Variants in HLCS observed in about 807,000 individuals in gnomAD.
HLCS encodes biotin--protein ligase.
Under a neutral mutation model 75.0 loss-of-function variants are expected in HLCS, and 53 were observed. That is an observed-to-expected ratio of 0.71 (90% CI 0.57 to 0.89). The LOEUF (loss-of-function observed/expected upper bound fraction) is 0.89. Ranked by LOEUF, HLCS falls within the 40% of genes least tolerant of loss-of-function variation. HLCS has a pLI of 0.00. For missense variants in HLCS, 966 were observed against 1,074.0 expected (o/e 0.90, Z 1.41); for synonymous variants, 431 against 428.6 (o/e 1.01, Z -0.07).
At chr21:36,987,282 T>G (rs550314635) in intron 1 of HLCS, among the ~76,000 whole-genome samples, 1 of 152,276 alleles carries the variant, frequency 6.6e-6, no homozygotes, top group Admixed American at 6.5e-5. Context: ...GCTCCCCAGC[T>G]CTCTCAGCAG....
chr21:36,960,665 C>T (rs867377626), intron 2 of HLCS, among the ~76,000 whole-genome samples: 15 of 152,352 alleles, frequency 9.8e-5, no homozygotes, highest in African/African-American at 3.1e-4. Context: ...CAGCATCTTA[C>T]AGATAATCTT....
chr21:36,849,677 G>C lies in HLCS; in HGVS notation c.1892+47183C>G, dbSNP rs115082651. ...GCCCCCACTGAACTGCCAGCATCCG[G>C]CTCTGCCTGTCTTTGGCTTCTGGCT... On this transcript the variant is annotated intron_variant, in intron 6 of 10. Coordinates refer to ENST00000674895, the MANE Select transcript of HLCS (RefSeq NM_001352514.2). Among the ~76,000 whole-genome samples the C allele has an allele frequency of 2.3e-3, 351 of 152,308 alleles. 1 individual carries two copies. The highest frequency in any genetic ancestry group is 7.8e-3 in the African/African-American group (326 of 41,566).
chr21:36,805,459 C>T (rs1177471066), intron 6 of HLCS, among the ~76,000 whole-genome samples: 1 of 152,144 alleles, frequency 6.6e-6, no homozygotes, highest in African/African-American at 2.4e-5. Context: ...CCCAGCTCTG[C>T]GGCAGGTTAA....
chr21:36,797,821 C>T (rs1246636425), intron 6 of HLCS, among the ~76,000 whole-genome samples: 1 of 152,220 alleles, frequency 6.6e-6, no homozygotes, highest in Non-Finnish European at 1.5e-5. Flanking sequence ...TCTGTGCATT[C>T]ACATGTTGAC....
intron 6 of HLCS, among the ~76,000 whole-genome samples, chr21:36,844,495 G>A (rs555469775): frequency 7.4e-4 from 112 of 152,134 alleles, no homozygotes; most frequent in Non-Finnish European, 1.3e-3. Flanking sequence ...GCTTCCTCCC[G>A]CCTTCTAAGA....
At chr21:36,844,288 G>A (rs997636682) in intron 6 of HLCS, among the ~76,000 whole-genome samples, 5 of 151,908 alleles carry the variant, frequency 3.3e-5, no homozygotes, top group African/African-American at 9.7e-5. Context: ...ATAGAAGCTC[G>A]TCAATTGTAA....
chr21:36,977,866 T>C (rs1159231861), intron 1 of HLCS, among the ~76,000 whole-genome samples: 2 of 152,172 alleles, frequency 1.3e-5, no homozygotes, highest in Admixed American at 6.5e-5. Context: ...GTGCAGACTA[T>C]TGTGACCCAG....
chr21:36,820,370 G>GC (rs1395405004), intron 6 of HLCS, among the ~76,000 whole-genome samples: 1 of 152,102 alleles, frequency 6.6e-6, no homozygotes, highest in East Asian at 1.9e-4. Context: ...CCCAGCCACG[G>GC]CCGGGCCGCC....
At chr21:36,811,871 G>A (rs1350565889) in intron 6 of HLCS, among the ~76,000 whole-genome samples, 1 of 152,196 alleles carries the variant, frequency 6.6e-6, no homozygotes, top group Non-Finnish European at 1.5e-5. Context: ...AGCGGCTGCT[G>A]TGACCAGCCA....
Position 36,849,855 on chromosome 21 carries a change from T to A in HLCS, c.1892+47005A>T, listed in dbSNP as rs138189037. Among the ~76,000 whole-genome samples the A allele has an allele frequency of 9.2e-5, 14 of 152,354 alleles. No individual in the cohort carries two copies. The East Asian group carries it at 2.3e-3, about 25-fold the overall frequency. On this transcript the variant is annotated intron_variant, in intron 6 of 10. Coordinates refer to ENST00000674895, the MANE Select transcript of HLCS (RefSeq NM_001352514.2). ...TTGACTGGACAAACTCTTATTAGCTTCCGGCAGATATTAAAAGATGCATGA... is the reference window on the plus strand; with the variant it reads ...TTGACTGGACAAACTCTTATTAGCTACCGGCAGATATTAAAAGATGCATGA...
At chr21:36,970,714 C>A (rs986933758), upstream of HLCS, among the ~76,000 whole-genome samples, 1 of 151,682 alleles carries the variant, frequency 6.6e-6, no homozygotes, top group African/African-American at 2.4e-5. Context: ...AAATCTTCGC[C>A]GGGCACAGTG....
intron 8 of HLCS, among the ~76,000 whole-genome samples, chr21:36,764,264 G>A (rs1301910924): frequency 6.6e-6 from 1 of 152,002 alleles, no homozygotes; most frequent in East Asian, 1.9e-4. Flanking sequence ...GTGTGTGATG[G>A]TGCACACCTG....
intron 7 of HLCS, among the ~76,000 whole-genome samples, 198 bp downstream of exon 7, chr21:36,767,020 T>TTTA (rs1436854116): frequency 6.6e-6 from 1 of 152,182 alleles, no homozygotes; most frequent in Non-Finnish European, 1.5e-5. Context: ...GACAGAATGC[T>TTTA]TTAGTTCTAC....
At position 36,930,419 on chromosome 21, in the gene HLCS, T is replaced by C. The variant is rs1379881813; in HGVS notation, c.1452A>G (p.Leu484=). 6.2e-7 allele frequency: 1 copy of C among 1,614,006 alleles called. No homozygotes were observed. Among genetic ancestry groups the C allele is most frequent in the South Asian group, 1.1e-5 (1 of 91,074 alleles). ...TTTGCACTATGTTGGAGCTGGGAGG[T>C]AGTTCTAAGTGCACCTGAAGGGGAA... ...EAVLCQVHLE[L]PPSSNIVQTP... The change falls in exon 5 of 11, where the codon CTA becomes CTG. Residue 484 remains leucine, a synonymous_variant. Transcript: ENST00000674895.
At chr21:36,792,079 A>G (rs1245086324) in intron 6 of HLCS, among the ~76,000 whole-genome samples, 1 of 152,092 alleles carries the variant, frequency 6.6e-6, no homozygotes, top group Non-Finnish European at 1.5e-5. Flanking sequence ...GCTACCTGTC[A>G]GCGTTCACAG....
chr21:36,982,012 G>A (rs2146741409), intron 1 of HLCS, among the ~76,000 whole-genome samples: 1 of 152,258 alleles, frequency 6.6e-6, no homozygotes, highest in South Asian at 2.1e-4. Flanking sequence ...TTTCAAATGA[G>A]ACATCCTATC....
intron 1 of HLCS, among the ~76,000 whole-genome samples, chr21:36,985,541 G>A (rs896602510): frequency 6.6e-5 from 10 of 152,342 alleles, no homozygotes; most frequent in Admixed American, 5.9e-4. Context: ...GCCGAGGCGG[G>A]CAGATCACGA....
Position 36,839,201 on chromosome 21 carries a change from C to T in HLCS, c.1892+57659G>A, listed in dbSNP as rs530041918. On this transcript the variant is annotated intron_variant, in intron 6 of 10. Transcript: ENST00000674895. ...TGCAAATACACACGGCTGAAAAATA[C>T]GAGAGGTCAATGGACAGCATTAGCA... Among the ~76,000 whole-genome samples, 13 of 152,232 alleles carry T rather than the reference C, an allele frequency of 8.5e-5. No individual in the cohort carries two copies. The South Asian group carries it at 2.1e-3, about 24-fold the overall frequency.
chr21:36,810,229 G>A (rs906164520), intron 6 of HLCS, among the ~76,000 whole-genome samples: 2 of 152,168 alleles, frequency 1.3e-5, no homozygotes, highest in Non-Finnish European at 2.9e-5. Context: ...AACTGTAGAG[G>A]TTTGGGATTT....
Sources: gnomAD v4.1 joint callset for allele counts (sites outside exome capture counted in the v4.1 genomes callset) on GRCh38, gnomAD v4.1.1 for gene constraint, MANE v1.5 for transcripts, NCBI Gene and HGNC (gene_info 2026-07-23, HGNC 2026-07-21) for gene names.